JPH3: variants seen among roughly 807,000 people sequenced by gnomAD.
The protein encoded by JPH3 is junctophilin 3.
JPH3 carries 11 observed loss-of-function variants against 59.6 expected under a neutral mutation model. That is an observed-to-expected ratio of 0.18 (90% CI 0.12 to 0.31). The LOEUF is 0.31. JPH3 is among the 10% of genes least tolerant of loss of function. JPH3 has a pLI of 1.00. For synonymous variants in JPH3, 673 were observed against 483.6 expected, an observed-to-expected ratio of 1.39 and a Z score of -5.14; for missense variants, 1,202 against 1,105.7, an observed-to-expected ratio of 1.09 and a Z score of -1.24.
intron 2 of JPH3, among the ~76,000 whole-genome samples, chr16:87,677,225 C>CACAAAA (rs1271128667): frequency 1.2e-5 from 1 of 81,726 alleles, no homozygotes; most frequent in African/African-American, 4.3e-5. Flanking sequence ...CACACACACA[C>CACAAAA]AAAAAAAAAA....
intron 1 of JPH3, among the ~76,000 whole-genome samples, chr16:87,632,348 G>C (rs747587826): frequency 4.6e-5 from 7 of 152,228 alleles, no homozygotes; most frequent in African/African-American, 7.2e-5. Context: ...TGTTGGCCTA[G>C]AAACTTTTCT....
intron 2 of JPH3, among the ~76,000 whole-genome samples, chr16:87,653,020 C>T (rs898200505): frequency 1.1e-4 from 17 of 152,134 alleles, no homozygotes; most frequent in African/African-American, 3.6e-4. Flanking sequence ...AAGTTGGGGC[C>T]TGGTTGCTGA....
At chr16:87,651,420 T>C (rs78155413) in intron 2 of JPH3, among the ~76,000 whole-genome samples, 6,565 of 152,284 alleles carry the variant, frequency 0.043, 442 homozygotes, top group African/African-American at 0.15. Context: ...GTGATTTCTC[T>C]GATGGATCTG....
rs137874421 is a variant in JPH3 at position 87,640,436 on chromosome 16, G to C, written c.383-3822G>C. Among the ~76,000 whole-genome samples, 557 of 151,910 alleles carry C rather than the reference G, an allele frequency of 3.7e-3. 9 individuals carry two copies. Among genetic ancestry groups the C allele is most frequent in the African/African-American group, 0.012 (512 of 41,444 alleles). ...GACAGAGTCTTGCTCTGTCGCCCAG[G>C]CTGGAGTGCAGTGGCATGATCTGTG... is the stretch of plus-strand genomic sequence containing the variant. On this transcript the variant is annotated intron_variant, in intron 1 of 4. Transcript: ENST00000284262.
chr16:87,665,449 A>G (rs935163886), intron 2 of JPH3, among the ~76,000 whole-genome samples: 29 of 152,326 alleles, frequency 1.9e-4, no homozygotes, highest in African/African-American at 7.0e-4. Context: ...TTAGGTCTGT[A>G]GGAGTAATCT....
rs1272316992 is a variant in JPH3, at chr16:87,689,979, G to A, written c.1619G>A (p.Arg540Lys). Residue 540 changes from arginine (R) to lysine (K), a missense_variant, in exon 4 of 5, where the codon AGG becomes AAG. Transcript: ENST00000284262. ...GGCGAGGAGCAGGCCGGGGGCTCCAGGGGTGTCCGCAGCGGTGCCCTGCGC... is the reference window on the plus strand; with the variant it reads ...GGCGAGGAGCAGGCCGGGGGCTCCAAGGGTGTCCGCAGCGGTGCCCTGCGC... ...SWGEEQAGGS[R>K]GVRSGALRGG... The A allele has an allele frequency of 3.4e-6, 5 of 1,471,952 alleles. No individual in the cohort carries two copies. The highest frequency in any genetic ancestry group is 4.5e-6 in the Non-Finnish European group (5 of 1,113,780). 91.2% of individuals were successfully genotyped at this position (1,471,952 alleles called of 1,614,324 possible). A position where few individuals can be genotyped will look rare whatever the true frequency, so the allele number is the denominator to read the frequency against.
chr16:87,637,488 C>G (rs558260008), intron 1 of JPH3, among the ~76,000 whole-genome samples: 2 of 151,722 alleles, frequency 1.3e-5, no homozygotes, highest in East Asian at 3.9e-4. Context: ...CATTTTGCGC[C>G]GGTGTTGGGC....
At chr16:87,656,598 G>T (rs769737071) in intron 2 of JPH3, among the ~76,000 whole-genome samples, 1 of 152,248 alleles carries the variant, frequency 6.6e-6, no homozygotes, top group South Asian at 2.1e-4. Flanking sequence ...GAATCAGTCA[G>T]TGCCTGGGAA....
At chr16:87,604,878 CGTT>C (rs368381851) in intron 1 of JPH3, 190 of 406,036 alleles carry the variant, frequency 4.7e-4, no homozygotes, top group African/African-American at 3.5e-3. Flanking sequence ...TTTTCTGTGC[CGTT>C]GTTGTTTTCA....
intron 1 of JPH3, among the ~76,000 whole-genome samples, chr16:87,638,577 G>A (rs577600283): frequency 2.6e-4 from 1 of 3,776 alleles, no homozygotes; most frequent in Non-Finnish European, 0.013. Flanking sequence ...AGGTAGGAGG[G>A]GACAGGGGCA....
At chr16:87,625,881 T>C (rs1555535076) in intron 1 of JPH3, among the ~76,000 whole-genome samples, 1 of 152,110 alleles carries the variant, frequency 6.6e-6, no homozygotes, top group Non-Finnish European at 1.5e-5. Context: ...TACCCTCCCC[T>C]GATGACCTCC....
rs536572081 is a variant in JPH3, at chr16:87,692,310, C to G, written c.2166+1784C>G. On this transcript the variant is annotated intron_variant, in intron 4 of 4. Transcript: ENST00000284262. Reference sequence around the variant, plus strand: ...GGCGCGGTCAATCCTAAGCACTGTTCCAGGCCCTGTTGGTGGGAAGCAGGA... The same window carrying G: ...GGCGCGGTCAATCCTAAGCACTGTTGCAGGCCCTGTTGGTGGGAAGCAGGA... 2.0e-4 allele frequency among the ~76,000 whole-genome samples: 30 copies of G among 151,788 alleles called. No individual in the cohort carries two copies. In the South Asian group the frequency reaches 5.8e-3, roughly 30 times the overall value.
At chr16:87,631,946 G>A (rs903206136) in intron 1 of JPH3, among the ~76,000 whole-genome samples, 1 of 151,922 alleles carries the variant, frequency 6.6e-6, no homozygotes, top group African/African-American at 2.4e-5. Flanking sequence ...CTGGTCCCTC[G>A]ATGTCTTCTC....
At chr16:87,669,022 T>C (rs2032948001) in intron 2 of JPH3, among the ~76,000 whole-genome samples, 1 of 152,194 alleles carries the variant, frequency 6.6e-6, no homozygotes, top group Non-Finnish European at 1.5e-5. Flanking sequence ...GTGGTAGCCC[T>C]GCCCTTGGAG....
rs1275443776 is a variant in JPH3 at position 87,697,860 on chromosome 16, A to AAAAG, written c.*1203_*1206dup. 5 of 152,512 alleles carry AAAAG rather than the reference A, an allele frequency of 3.3e-5. No homozygotes were observed. The highest frequency in any genetic ancestry group is 4.8e-5 in the African/African-American group (2 of 41,584). The allele number at this position is 152,512 out of a possible 1,614,324, so 9.4% of individuals were successfully genotyped here. Reference sequence around the variant, plus strand: ...ACCAGGGTCGCTCCATCACCCAAACAAAAGAACAAGGTTTGCCAGGATGTC... The same window carrying AAAAG: ...ACCAGGGTCGCTCCATCACCCAAACAAAAGAAAGAACAAGGTTTGCCAGGATGTC... On this transcript the variant is annotated 3_prime_UTR_variant, in exon 5 of 5. Transcript: ENST00000284262.
chr16:87,686,557 C>T (rs538917885), intron 3 of JPH3, among the ~76,000 whole-genome samples: 3 of 125,834 alleles, frequency 2.4e-5, no homozygotes, highest in Non-Finnish European at 3.3e-5. Context: ...GATGCTTCCT[C>T]GAGGGCTCAG....
intron 4 of JPH3, chr16:87,694,777 CA>C: frequency 5.6e-6 from 1 of 177,446 alleles, no homozygotes; most frequent in East Asian, 1.6e-4. Flanking sequence ...TCAGCTCCAT[CA>C]CCTTAAACCT....
rs114005424 is a variant in JPH3 at position 87,656,619 on chromosome 16, C to G, written c.1160+11584C>G. 9.5e-3 allele frequency among the ~76,000 whole-genome samples: 1,443 copies of G among 152,230 alleles called. 21 individuals are homozygous for G. The highest frequency in any genetic ancestry group is 0.033 in the African/African-American group (1,377 of 41,542). On this transcript the variant is annotated intron_variant, in intron 2 of 4. Coordinates refer to ENST00000284262, the MANE Select transcript of JPH3 (RefSeq NM_020655.4). ...GTCAGTGCCTGGGAACATTCGAGGC[C>G]CTGGCTTGGGTTCAAGCCTGCAGGA...
At chr16:87,668,533 CA>C (rs2032934365) in intron 2 of JPH3, among the ~76,000 whole-genome samples, 1 of 152,202 alleles carries the variant, frequency 6.6e-6, no homozygotes, top group African/African-American at 2.4e-5. Context: ...TCTGTTACAC[CA>C]AATGCAGTTT....
Sources: allele counts gnomAD v4.1 joint callset (sites outside exome capture counted in the v4.1 genomes callset), GRCh38; gene constraint gnomAD v4.1.1; transcripts MANE v1.5; gene names NCBI Gene and HGNC (gene_info 2026-07-23, HGNC 2026-07-21).